Variants in SATB2 observed in about 807,000 individuals in gnomAD.
SATB2 encodes DNA-binding protein SATB2.
In SATB2, 1 loss-of-function variant was observed where a neutral mutation model predicts 73.4. That is an observed-to-expected ratio of 0.01 (90% CI 0.00 to 0.06). The LOEUF (loss-of-function observed/expected upper bound fraction) is 0.06, where lower values mean the gene tolerates loss of function less well. SATB2 is among the 10% of genes least tolerant of loss of function. The pLI, the probability that SATB2 is intolerant of heterozygous loss-of-function variation, is 1.00. For synonymous variants in SATB2, 397 were observed against 367.0 expected (o/e 1.08, Z -0.93); for missense variants, 459 against 945.8 (o/e 0.49, Z 6.75).
intron 10 of SATB2, among the ~76,000 whole-genome samples, chr2:199,280,346 C>G (rs1159493094): frequency 6.6e-6 from 1 of 152,024 alleles, no homozygotes; most frequent in African/African-American, 2.4e-5. Context: ...GTTAACTGCA[C>G]AAATTGTTTG....
At chr2:199,341,674 T>C (rs1170558453) in intron 7 of SATB2, among the ~76,000 whole-genome samples, 1 of 152,206 alleles carries the variant, frequency 6.6e-6, no homozygotes, top group East Asian at 1.9e-4. Context: ...AAAAATTCTA[T>C]ACTAGTTCCA....
chr2:199,370,802 T>A (rs1689422575), intron 5 of SATB2, among the ~76,000 whole-genome samples: 1 of 152,126 alleles, frequency 6.6e-6, no homozygotes, highest in Non-Finnish European at 1.5e-5. Flanking sequence ...GCAGGTCCTA[T>A]ATTTCATATA....
intron 10 of SATB2, among the ~76,000 whole-genome samples, chr2:199,291,642 G>A (rs1211983185): frequency 6.6e-6 from 1 of 152,166 alleles, no homozygotes. Context: ...GCCAGGTGCA[G>A]TAGCTCACAT....
At chr2:199,281,188 CACA>C (rs1261067196) in intron 10 of SATB2, among the ~76,000 whole-genome samples, 2 of 150,972 alleles carry the variant, frequency 1.3e-5, no homozygotes, top group African/African-American at 4.9e-5. Context: ...GAGCTGAGAT[CACA>C]CCACTGCACT....
intron 10 of SATB2, among the ~76,000 whole-genome samples, chr2:199,280,301 G>A (rs552366783): frequency 6.6e-6 from 1 of 152,134 alleles, no homozygotes; most frequent in Non-Finnish European, 1.5e-5. Context: ...AAGCTGAGGA[G>A]GATGTATGTC....
chr2:199,328,992 CT>C (rs1688112627), intron 7 of SATB2, 82 bp from the exon 8 acceptor site: 1 of 1,087,188 alleles, frequency 9.2e-7, no homozygotes, highest in Non-Finnish European at 1.4e-6. Context: ...CCCTCTCCTC[CT>C]TTGTTTGGTT....
intron 6 of SATB2, among the ~76,000 whole-genome samples, chr2:199,356,913 T>C (rs1689003931): frequency 6.6e-6 from 1 of 152,202 alleles, no homozygotes; most frequent in South Asian, 2.1e-4. Flanking sequence ...ATCGTTTAAC[T>C]CTCACAACAA....
At chr2:199,281,880 C>CT (rs1692510417) in intron 10 of SATB2, among the ~76,000 whole-genome samples, 1 of 113,484 alleles carries the variant, frequency 8.8e-6, no homozygotes, top group African/African-American at 3.0e-5. Context: ...CATATTCTCT[C>CT]TCTTTTTTTT....
rs564017226 is a variant in SATB2, at chr2:199,374,823, G to C, written c.597+5541C>G. On this transcript the variant is annotated intron_variant, in intron 5 of 10. Coordinates refer to ENST00000417098, the MANE Select transcript of SATB2 (RefSeq NM_001172509.2). The stretch of plus-strand genomic sequence containing the variant: ...TACTAAAAACACAAAAATTAGCCGG[G>C]CATGGTGGTGCTCACCTGTAATGCC... Among the ~76,000 whole-genome samples, 33 of 152,208 alleles carry C rather than the reference G, an allele frequency of 2.2e-4. 1 individual carries two copies. The South Asian group carries it at 6.2e-3, about 29-fold the overall frequency.
At chr2:199,442,497 G>T (rs762758639) in intron 2 of SATB2, among the ~76,000 whole-genome samples, 5 of 152,208 alleles carry the variant, frequency 3.3e-5, no homozygotes, top group Non-Finnish European at 5.9e-5. Flanking sequence ...TGCACTGAAA[G>T]ACTACAGTAT....
intron 6 of SATB2, among the ~76,000 whole-genome samples, chr2:199,355,767 C>T (rs1048223453): frequency 2.0e-5 from 3 of 152,090 alleles, no homozygotes; most frequent in African/African-American, 4.8e-5. Context: ...ATACTTGCTT[C>T]TGCTCTTTAC....
At chr2:199,345,518 T>C (rs1376217992) in intron 7 of SATB2, among the ~76,000 whole-genome samples, 1 of 149,112 alleles carries the variant, frequency 6.7e-6, no homozygotes, top group African/African-American at 2.5e-5. Flanking sequence ...TCTAAAACTA[T>C]CACTTTAACC....
chr2:199,456,856 G>A (rs1692292793), intron 1 of SATB2, among the ~76,000 whole-genome samples: 1 of 151,788 alleles, frequency 6.6e-6, no homozygotes, highest in Admixed American at 6.6e-5. Context: ...CTTAGTGCAA[G>A]AGCAGCCTTC....
chr2:199,470,937 G>A (rs1404184356), intron 1 of SATB2: 1 of 152,432 alleles, frequency 6.6e-6, no homozygotes, highest in African/African-American at 2.4e-5. Flanking sequence ...ACTTTGCTGC[G>A]GACGCTGCTC....
intron 10 of SATB2, among the ~76,000 whole-genome samples, chr2:199,276,747 T>A (rs1183655751): frequency 5.3e-5 from 1 of 19,000 alleles, no homozygotes; most frequent in Non-Finnish European, 9.7e-5. Context: ...TTTCCAGCAT[T>A]ACCTTTTTCC....
intron 6 of SATB2, among the ~76,000 whole-genome samples, chr2:199,362,076 C>T (rs975371829): frequency 6.6e-6 from 1 of 152,110 alleles, no homozygotes; most frequent in Non-Finnish European, 1.5e-5. Context: ...TGTCACTACC[C>T]TCCCTATATC....
At chr2:199,465,631 T>TA (rs1692578819), upstream of SATB2, among the ~76,000 whole-genome samples, 1 of 152,226 alleles carries the variant, frequency 6.6e-6, no homozygotes, top group African/African-American at 2.4e-5. Flanking sequence ...ACCCATTTGT[T>TA]AGTGTCTGCG....
At chr2:199,406,396 T>C (rs1328602921) in intron 3 of SATB2, among the ~76,000 whole-genome samples, 1 of 152,222 alleles carries the variant, frequency 6.6e-6, no homozygotes, top group Non-Finnish European at 1.5e-5. Context: ...GCCCTATATG[T>C]TAATATGTTT....
intron 6 of SATB2, among the ~76,000 whole-genome samples, chr2:199,356,929 T>C (rs1689004097): frequency 6.6e-6 from 1 of 152,228 alleles, no homozygotes; most frequent in Non-Finnish European, 1.5e-5. Flanking sequence ...AACAATTCTA[T>C]GACATTGATA....
Sources: gnomAD v4.1 joint callset for allele counts (sites outside exome capture counted in the v4.1 genomes callset) on GRCh38, gnomAD v4.1.1 for gene constraint, MANE v1.5 for transcripts, NCBI Gene and HGNC (gene_info 2026-07-23, HGNC 2026-07-21) for gene names.